The following CCDC170 variants were observed in gnomAD, a reference collection of about 807,000 sequenced individuals.
CCDC170 encodes the protein coiled-coil domain containing 170.
In CCDC170, 69 loss-of-function variants were observed where a neutral mutation model predicts 72.6. The ratio of observed to expected loss-of-function variants is 0.95; its 90% confidence interval spans 0.78 to 1.16. The LOEUF (loss-of-function observed/expected upper bound fraction) is 1.16. CCDC170 is among the 50% of genes most tolerant of loss of function. The probability of loss-of-function intolerance (pLI) is 0.00; values close to 1 mark genes in which losing one functional copy is unlikely to be tolerated. For synonymous variants in CCDC170, 300 were observed against 303.9 expected (o/e 0.99, Z 0.13); for missense variants, 852 against 832.5 (o/e 1.02, Z -0.29).
intron 1 of CCDC170, among the ~76,000 whole-genome samples, chr6:151,517,258 G>T (rs1490165943): frequency 2.0e-5 from 3 of 152,036 alleles, no homozygotes; most frequent in Non-Finnish European, 2.9e-5. Flanking sequence ...CTTGAATCTG[G>T]GAGGTGGAGG....
chr6:151,535,452 A>G (rs1782560091), intron 1 of CCDC170, among the ~76,000 whole-genome samples: 1 of 152,210 alleles, frequency 6.6e-6, no homozygotes, highest in Non-Finnish European at 1.5e-5. Context: ...GATTGAGAAT[A>G]TGATGGTTAT....
intron 1 of CCDC170, among the ~76,000 whole-genome samples, chr6:151,498,278 ACT>A (rs35056563): frequency 0.16 from 24,119 of 152,122 alleles, 2,223 homozygotes; most frequent in East Asian, 0.39. Context: ...ATAGCAACAC[ACT>A]CTATCAGCAG....
At chr6:151,495,761 G>T (rs1268428020) in intron 1 of CCDC170, among the ~76,000 whole-genome samples, 3 of 152,210 alleles carry the variant, frequency 2.0e-5, no homozygotes, top group East Asian at 1.9e-4. Context: ...CTCCCAAAGT[G>T]CTGGGATTAC....
intron 4 of CCDC170, among the ~76,000 whole-genome samples, chr6:151,546,972 C>A (rs1010387793): frequency 1.4e-5 from 2 of 147,850 alleles, no homozygotes; most frequent in African/African-American, 2.5e-5. Flanking sequence ...ATCTCGGCCA[C>A]GTGAGCAGGT....
At chr6:151,522,535 C>T (rs1782337078) in intron 1 of CCDC170, among the ~76,000 whole-genome samples, 1 of 152,152 alleles carries the variant, frequency 6.6e-6, no homozygotes, top group Non-Finnish European at 1.5e-5. Flanking sequence ...CCCCGTCATT[C>T]TCTTTAAATT....
At chr6:151,516,682 G>A (rs908390247) in intron 1 of CCDC170, among the ~76,000 whole-genome samples, 1 of 152,128 alleles carries the variant, frequency 6.6e-6, no homozygotes, top group African/African-American at 2.4e-5. Flanking sequence ...GTTCCTGAAA[G>A]GGAAAAACTG....
At position 151,619,855 on chromosome 6, in the gene CCDC170, A is replaced by T. The variant is rs1200924330; in HGVS notation, c.*1708A>T. Reference sequence around the variant, plus strand: ...AACAACAAAAAGTCAAAGTCATAATAAGCAAATTATTGGCTTCTTTCTTCT... The same window carrying T: ...AACAACAAAAAGTCAAAGTCATAATTAGCAAATTATTGGCTTCTTTCTTCT... On this transcript the variant is annotated 3_prime_UTR_variant, in exon 11 of 11. Transcript: ENST00000239374. 1.3e-5 allele frequency: 2 copies of T among 152,172 alleles called. No homozygotes were observed. Among genetic ancestry groups the T allele is most frequent in the African/African-American group, 4.8e-5 (2 of 41,436 alleles). 9.4% of individuals were successfully genotyped at this position (152,172 alleles called of 1,614,324 possible). A position where few individuals can be genotyped will look rare whatever the true frequency, so the allele number is the denominator to read the frequency against.
chr6:151,499,982 C>G (rs1163194730), intron 1 of CCDC170, among the ~76,000 whole-genome samples: 1 of 152,132 alleles, frequency 6.6e-6, no homozygotes, highest in African/African-American at 2.4e-5. Context: ...TTGCTGGATC[C>G]TATGGTAATC....
intron 5 of CCDC170, among the ~76,000 whole-genome samples, chr6:151,566,883 T>C (rs1252911900): frequency 4.6e-5 from 7 of 152,236 alleles, no homozygotes; most frequent in Non-Finnish European, 8.8e-5. Context: ...CTTGGTTGGA[T>C]TGATGACAAT....
chr6:151,612,784 A>G (rs539830154), intron 9 of CCDC170, among the ~76,000 whole-genome samples: 1 of 152,270 alleles, frequency 6.6e-6, no homozygotes, highest in East Asian at 1.9e-4. Flanking sequence ...AAAACAGCAA[A>G]TACTTATTAT....
At chr6:151,548,237 G>T in intron 4 of CCDC170, 67 bp from the exon 5 acceptor site, 1 of 1,364,286 alleles carries the variant, frequency 7.3e-7, no homozygotes, top group South Asian at 1.8e-5. Context: ...CTATAGATGT[G>T]ACTTGCTTAG....
In CCDC170 at chr6:151,600,251, A is replaced by G. The variant is rs551340774; in HGVS notation, c.1710+3674A>G. Among the ~76,000 whole-genome samples, 330 of 152,334 alleles carry G rather than the reference A, an allele frequency of 2.2e-3. 1 individual carries two copies. Among genetic ancestry groups the G allele is most frequent in the African/African-American group, 7.5e-3 (313 of 41,576 alleles). On this transcript the variant is annotated intron_variant, in intron 9 of 10. Coordinates refer to ENST00000239374, the MANE Select transcript of CCDC170 (RefSeq NM_025059.4). ...CGGTATCAGCTATCCACCATTGTAC[A>G]TTGCCTTAAGCTTGTCCCTGTATTA...
intron 9 of CCDC170, among the ~76,000 whole-genome samples, chr6:151,607,080 C>CA (rs1294160621): frequency 4.6e-5 from 7 of 152,050 alleles, no homozygotes; most frequent in Non-Finnish European, 7.4e-5. Context: ...AGAGCTTAGA[C>CA]CATTTACATT....
intron 5 of CCDC170, among the ~76,000 whole-genome samples, chr6:151,562,145 TG>T (rs1471629597): frequency 6.6e-6 from 1 of 152,244 alleles, no homozygotes; most frequent in Non-Finnish European, 1.5e-5. Flanking sequence ...TTTTATGTAA[TG>T]GATTTCAAAT....
intron 4 of CCDC170, among the ~76,000 whole-genome samples, chr6:151,545,007 C>T (rs1236966981): frequency 6.6e-6 from 1 of 152,066 alleles, no homozygotes. Flanking sequence ...TAACCATTTG[C>T]TTTAGGGAGT....
At chr6:151,590,880 T>C (rs1442163372) in intron 7 of CCDC170, among the ~76,000 whole-genome samples, 2 of 152,184 alleles carry the variant, frequency 1.3e-5, no homozygotes, top group Non-Finnish European at 2.9e-5. Flanking sequence ...TTATGTAAAA[T>C]ACAAGCAATA....
chr6:151,541,636 T>G lies in CCDC170; in HGVS notation c.444-2936T>G, dbSNP rs1187881942. ...GAGTAATAAAAACACTATATGCATATTGTAAAAAATATTTTTTATACAGAA... is the reference window on the plus strand; with the variant it reads ...GAGTAATAAAAACACTATATGCATAGTGTAAAAAATATTTTTTATACAGAA... On this transcript the variant is annotated intron_variant, in intron 3 of 10. Coordinates refer to ENST00000239374, the MANE Select transcript of CCDC170 (RefSeq NM_025059.4). Among the ~76,000 whole-genome samples the G allele has an allele frequency of 5.3e-5, 8 of 151,950 alleles. No individual in the cohort carries two copies. In the Middle Eastern group the frequency reaches 0.01, roughly 195 times the overall value.
At chr6:151,593,341 G>A (rs956213524) in intron 8 of CCDC170, 61 bp downstream of exon 8, 21 of 1,531,450 alleles carry the variant, frequency 1.4e-5, no homozygotes, top group Non-Finnish European at 1.8e-5. Context: ...CCCAAACATT[G>A]AAAAATAATG....
In CCDC170 at chr6:151,547,483, T is replaced by C. The variant is rs932233051; in HGVS notation, c.589-821T>C. On this transcript the variant is annotated intron_variant, in intron 4 of 10. Coordinates refer to ENST00000239374, the MANE Select transcript of CCDC170 (RefSeq NM_025059.4). ...TGAGGTCGGGAGTTTTGAGGGCCAT[T>C]GAGGAGAGAGATCATGCAAATGTGA... Among the ~76,000 whole-genome samples the C allele has an allele frequency of 1.4e-4, 21 of 151,898 alleles. 2 individuals are homozygous for C. Among genetic ancestry groups the C allele is most frequent in the Non-Finnish European group, 1.0e-4 (7 of 67,964 alleles).
Sources: allele counts gnomAD v4.1 joint callset (sites outside exome capture counted in the v4.1 genomes callset), GRCh38; gene constraint gnomAD v4.1.1; transcripts MANE v1.5; gene names NCBI Gene and HGNC (gene_info 2026-07-23, HGNC 2026-07-21).